Variants in TM9SF3 observed in about 807,000 individuals in gnomAD.
TM9SF3 encodes SM-11044-binding protein.
TM9SF3 carries 14 observed loss-of-function variants against 78.6 expected under a neutral mutation model. That is an observed-to-expected ratio of 0.18 (90% CI 0.12 to 0.28). The LOEUF (loss-of-function observed/expected upper bound fraction) is 0.28, where lower values mean the gene tolerates loss of function less well. TM9SF3 is among the 10% of genes least tolerant of loss of function. TM9SF3 has a pLI of 1.00. For missense variants in TM9SF3, 496 were observed against 721.9 expected, an observed-to-expected ratio of 0.69 and a Z score of 3.59; for synonymous variants, 231 against 241.7, an observed-to-expected ratio of 0.96 and a Z score of 0.41.
intron 1 of TM9SF3, among the ~76,000 whole-genome samples, chr10:96,585,916 A>T (rs549889769): frequency 6.6e-6 from 1 of 152,252 alleles, no homozygotes; most frequent in South Asian, 2.1e-4. Flanking sequence ...AGTCGTTCAC[A>T]TGCACGTTTT....
At chr10:96,525,005 A>T (rs1847821772) in intron 14 of TM9SF3, among the ~76,000 whole-genome samples, 1 of 151,994 alleles carries the variant, frequency 6.6e-6, no homozygotes, top group African/African-American at 2.4e-5. Context: ...AGCACTCAAA[A>T]AATTTAGCTA....
At chr10:96,525,975 C>A (rs1400341474) in intron 14 of TM9SF3, among the ~76,000 whole-genome samples, 1 of 152,030 alleles carries the variant, frequency 6.6e-6, no homozygotes, top group Non-Finnish European at 1.5e-5. Flanking sequence ...AGACACAATT[C>A]CAGAGCAGAA....
At chr10:96,531,394 T>C (rs1000590301) in intron 10 of TM9SF3, among the ~76,000 whole-genome samples, 2 of 94,286 alleles carry the variant, frequency 2.1e-5, no homozygotes, top group Middle Eastern at 5.7e-3. Context: ...TGTACATATA[T>C]ATAAAAAACC....
In TM9SF3 at chr10:96,565,291, A is replaced by C. The variant is rs568483462; in HGVS notation, c.421+13T>G. 7.2e-6 allele frequency: 11 copies of C among 1,527,186 alleles called. No homozygotes were observed. In the African/African-American group the frequency reaches 1.4e-4, roughly 20 times the overall value. 94.6% of individuals were successfully genotyped at this position (1,527,186 alleles called of 1,614,324 possible). A position where few individuals can be genotyped will look rare whatever the true frequency, so the allele number is the denominator to read the frequency against. On this transcript the variant is annotated intron_variant, in intron 3 of 14. Transcript: ENST00000371142. ...AATTTTCCCAAATCTTAAATACAAC[A>C]TACAATACTTACCCCATATTGGTAA...
rs368870132 is a variant in TM9SF3 at position 96,530,593 on chromosome 10, C to T, written c.1341G>A (p.Ala447=). 50 of 1,611,912 alleles carry T rather than the reference C, an allele frequency of 3.1e-5. No homozygotes were observed. In the African/African-American group the frequency reaches 4.8e-4, roughly 16 times the overall value. The part of the protein sequence containing the change: ...IPEKKWFMEP[A]VIVCLGGILP... Reference sequence around the variant, plus strand: ...AAATTCCACCCAGGCAAACAATAACCGCAGGCTCCATGAACCTGGAAAATA... The same window carrying T: ...AAATTCCACCCAGGCAAACAATAACTGCAGGCTCCATGAACCTGGAAAATA... Residue 447 remains alanine (A), a synonymous_variant, in exon 11 of 15, where the codon GCG becomes GCA. Transcript: ENST00000371142.
intron 14 of TM9SF3, among the ~76,000 whole-genome samples, chr10:96,524,423 T>G (rs1299926392): frequency 6.6e-6 from 1 of 151,886 alleles, no homozygotes; most frequent in African/African-American, 2.4e-5. Context: ...ATCAAAAATT[T>G]TAATGGTATA....
intron 2 of TM9SF3, among the ~76,000 whole-genome samples, chr10:96,567,990 G>C (rs1041301153): frequency 6.6e-6 from 1 of 152,220 alleles, no homozygotes; most frequent in African/African-American, 2.4e-5. Flanking sequence ...CAGAAGGATT[G>C]ACAAAGAGGT....
chr10:96,536,504 T>A (rs1847962301), intron 9 of TM9SF3, among the ~76,000 whole-genome samples: 1 of 152,192 alleles, frequency 6.6e-6, no homozygotes. Flanking sequence ...CCTAGCTCAC[T>A]TATTGTAGAA....
intron 2 of TM9SF3, among the ~76,000 whole-genome samples, chr10:96,572,461 C>A (rs1440520801): frequency 6.6e-6 from 1 of 151,424 alleles, no homozygotes; most frequent in Non-Finnish European, 1.5e-5. Context: ...CTGGAGGGTA[C>A]TGAATTCAAA....
At chr10:96,581,423 A>G (rs1233432026) in intron 1 of TM9SF3, among the ~76,000 whole-genome samples, 1 of 152,230 alleles carries the variant, frequency 6.6e-6, no homozygotes, top group Non-Finnish European at 1.5e-5. Context: ...GTTTACTTCA[A>G]AATAATGTTC....
In TM9SF3 at chr10:96,527,504, G is replaced by C. The variant is rs3789957; in HGVS notation, c.1542-8C>G. 1,054,783 of 1,597,914 alleles carry C rather than the reference G, an allele frequency of 0.66. 353,523 individuals are homozygous for C. Among genetic ancestry groups the C allele is most frequent in the East Asian group, 0.84 (37,598 of 44,676 alleles). On this transcript the variant is annotated splice_region_variant and splice_polypyrimidine_tract_variant and intron_variant, in intron 12 of 14. Transcript: ENST00000371142. ...AGAAAACTTGTCCATTGCCTGGTGG[G>C]GGGAGGGGGAAAGAAGATAAATCTC...
rs1488608166 is a variant in TM9SF3, at chr10:96,519,369, G to A, written c.*2894C>T. The A allele has an allele frequency of 2.0e-5, 3 of 151,912 alleles. No homozygotes were observed. Among genetic ancestry groups the A allele is most frequent in the African/African-American group, 7.2e-5 (3 of 41,392 alleles). The allele number at this position is 151,912 out of a possible 1,614,324, so 9.4% of individuals were successfully genotyped here. A position where few individuals can be genotyped will look rare whatever the true frequency, so the allele number is the denominator to read the frequency against. On this transcript the variant is annotated 3_prime_UTR_variant, in exon 15 of 15. Transcript: ENST00000371142. Reference sequence around the variant, plus strand: ...CACCATAATATAATGAATTCTAAGAGTATGGGGTTTGATTTATGGGCAACC... The same window carrying A: ...CACCATAATATAATGAATTCTAAGAATATGGGGTTTGATTTATGGGCAACC...
intron 3 of TM9SF3, among the ~76,000 whole-genome samples, chr10:96,563,186 C>T (rs772307685): frequency 1.1e-4 from 17 of 152,232 alleles, no homozygotes; most frequent in Non-Finnish European, 2.4e-4. Context: ...AACAATCCTC[C>T]TACCTCAGCC....
At chr10:96,530,445 G>T in intron 11 of TM9SF3, 95 bp downstream of exon 11, 2 of 961,776 alleles carry the variant, frequency 2.1e-6, no homozygotes, top group Non-Finnish European at 3.1e-6. Context: ...ATTATTAGAT[G>T]TTCTCCCAAC....
At chr10:96,569,845 A>T (rs1564938850) in intron 2 of TM9SF3, among the ~76,000 whole-genome samples, 1 of 152,194 alleles carries the variant, frequency 6.6e-6, no homozygotes. Context: ...CATCCTGGCC[A>T]ACATGGTGAA....
intron 2 of TM9SF3, among the ~76,000 whole-genome samples, chr10:96,569,101 G>A (rs61858553): frequency 0.022 from 3,358 of 152,250 alleles, 46 homozygotes; most frequent in Middle Eastern, 0.048. Flanking sequence ...GGCCGGGGAG[G>A]TCGAGGCTGC....
intron 7 of TM9SF3, among the ~76,000 whole-genome samples, chr10:96,550,309 A>T (rs1016149348): frequency 6.6e-6 from 1 of 152,220 alleles, no homozygotes; most frequent in Admixed American, 6.5e-5. Flanking sequence ...ACTCTCAAGG[A>T]ACTTACTATC....
chr10:96,561,900 T>C (rs1848312406), intron 4 of TM9SF3, 78 bp downstream of exon 4: 10 of 1,195,078 alleles, frequency 8.4e-6, no homozygotes, highest in Admixed American at 2.3e-5. Flanking sequence ...CATTTTCATT[T>C]ACTAAAGTTC....
intron 1 of TM9SF3, among the ~76,000 whole-genome samples, chr10:96,582,923 A>G (rs1848587659): frequency 6.6e-6 from 1 of 152,020 alleles, no homozygotes; most frequent in African/African-American, 2.4e-5. Flanking sequence ...AACTAAAAAA[A>G]TACAAAATTA....
Sources: gnomAD v4.1 joint callset for allele counts (sites outside exome capture counted in the v4.1 genomes callset) on GRCh38, gnomAD v4.1.1 for gene constraint, MANE v1.5 for transcripts, NCBI Gene and HGNC (gene_info 2026-07-23, HGNC 2026-07-21) for gene names.